Variants in IGFBP7 observed in about 807,000 individuals in gnomAD.
IGFBP7 encodes the protein insulin-like growth factor-binding protein 7.
IGFBP7 carries 31 observed loss-of-function variants against 29.4 expected under a neutral mutation model. That is an observed-to-expected ratio of 1.05 (90% CI 0.79 to 1.42). The LOEUF is 1.42. Ranked by LOEUF, IGFBP7 falls within the 40% of genes most tolerant of loss-of-function variation. IGFBP7 has a pLI of 0.00. For synonymous variants in IGFBP7, 172 were observed against 174.9 expected, an observed-to-expected ratio of 0.98 and a Z score of 0.13; for missense variants, 393 against 395.5, an observed-to-expected ratio of 0.99 and a Z score of 0.05.
intron 1 of IGFBP7, chr4:57,073,164 T>G (rs1200124308): frequency 4.5e-6 from 7 of 1,547,800 alleles, no homozygotes; most frequent in Non-Finnish European, 5.3e-6. Context: ...TTGTGTCGTC[T>G]TTTTAAGTTT....
rs56133217 is a variant in IGFBP7, at chr4:57,108,538, C to CTTCTTTCT, written c.475+1331_475+1338dup. On this transcript the variant is annotated intron_variant, in intron 1 of 4. Transcript: ENST00000295666. ...TATTTGCAAGTCCAGACTTTATTTTCTTCTTTCTTTCTTTTTTTTTTGAGA... is the reference window on the plus strand; with the variant it reads ...TATTTGCAAGTCCAGACTTTATTTTCTTCTTTCTTTCTTTCTTTCTTTTTTTTTTGAGA... 1.1e-4 allele frequency among the ~76,000 whole-genome samples: 16 copies of CTTCTTTCT among 149,802 alleles called. No homozygotes were observed. In the East Asian group the frequency reaches 1.2e-3, roughly 11 times the overall value.
At chr4:57,061,359 T>G (rs1469248496) in intron 1 of IGFBP7, among the ~76,000 whole-genome samples, 2 of 152,196 alleles carry the variant, frequency 1.3e-5, no homozygotes, top group African/African-American at 4.8e-5. Context: ...ATCTGTTTTG[T>G]AAATTAGGCA....
chr4:57,088,198 A>G (rs551490922), intron 1 of IGFBP7, among the ~76,000 whole-genome samples: 2 of 151,040 alleles, frequency 1.3e-5, no homozygotes, highest in South Asian at 4.2e-4. Flanking sequence ...CTGGTCTTGA[A>G]CTCCTAGTCT....
chr4:57,048,789 A>AT (rs1370005380), intron 1 of IGFBP7, among the ~76,000 whole-genome samples: 2 of 152,206 alleles, frequency 1.3e-5, no homozygotes, highest in Non-Finnish European at 2.9e-5. Context: ...TGATGTTACT[A>AT]TTTAAAAAAA....
At chr4:57,085,377 T>A (rs1418636198) in intron 1 of IGFBP7, among the ~76,000 whole-genome samples, 1 of 152,220 alleles carries the variant, frequency 6.6e-6, no homozygotes, top group African/African-American at 2.4e-5. Flanking sequence ...TCTTTTTAAT[T>A]TAATAATTTT....
chr4:57,076,096 G>C (rs1267099317), intron 1 of IGFBP7, among the ~76,000 whole-genome samples: 2 of 152,212 alleles, frequency 1.3e-5, no homozygotes, highest in Non-Finnish European at 2.9e-5. Context: ...GAGCATGGTA[G>C]GGTTCTGGGG....
chr4:57,109,744 A>G, intron 1 of IGFBP7, 133 bp downstream of exon 1: 1 of 1,127,116 alleles, frequency 8.9e-7, no homozygotes, highest in South Asian at 1.8e-5. Flanking sequence ...TTTCCCTCCC[A>G]TCTGGCTCCT....
chr4:57,082,863 C>G (rs1651048365), intron 1 of IGFBP7, among the ~76,000 whole-genome samples: 3 of 152,046 alleles, frequency 2.0e-5, no homozygotes, highest in Admixed American at 6.5e-5. Flanking sequence ...CTAGGCTTAT[C>G]TTGAACTCCT....
At chr4:57,093,433 G>C (rs1725685445) in intron 1 of IGFBP7, among the ~76,000 whole-genome samples, 1 of 151,704 alleles carries the variant, frequency 6.6e-6, no homozygotes, top group Admixed American at 6.6e-5. Flanking sequence ...CTGGGAGGTA[G>C]AGGTTGCAGT....
chr4:57,045,094 C>G (rs1273793326), intron 1 of IGFBP7, among the ~76,000 whole-genome samples: 1 of 152,220 alleles, frequency 6.6e-6, no homozygotes, highest in Non-Finnish European at 1.5e-5. Flanking sequence ...CAAATCATAT[C>G]ATGGGTTCCT....
In IGFBP7 at chr4:57,087,665, G is replaced by A. The variant is rs183898871; in HGVS notation, c.475+22212C>T. ...TTTGAGAGTTGTTACTACAATAGTT[G>A]GTAAAGTCAGAGGGAATACAATCTT... On this transcript the variant is annotated intron_variant, in intron 1 of 4. Coordinates refer to ENST00000295666, the MANE Select transcript of IGFBP7 (RefSeq NM_001553.3). 1.4e-3 allele frequency among the ~76,000 whole-genome samples: 218 copies of A among 152,242 alleles called. 1 individual carries two copies. Among genetic ancestry groups the A allele is most frequent in the African/African-American group, 5.0e-3 (208 of 41,540 alleles).
intron 1 of IGFBP7, among the ~76,000 whole-genome samples, chr4:57,076,126 T>C (rs973063216): frequency 2.0e-5 from 3 of 152,192 alleles, no homozygotes; most frequent in African/African-American, 7.2e-5. Context: ...TCTTGGCTTG[T>C]AGATGGCTGC....
intron 1 of IGFBP7, among the ~76,000 whole-genome samples, chr4:57,109,447 G>A (rs572336506): frequency 1.3e-5 from 2 of 151,856 alleles, no homozygotes; most frequent in Admixed American, 6.6e-5. Flanking sequence ...AAAAAAGTCT[G>A]TCTGGAAGTC....
chr4:57,076,435 C>CT (rs1176107327), intron 1 of IGFBP7, among the ~76,000 whole-genome samples: 2 of 152,192 alleles, frequency 1.3e-5, no homozygotes, highest in Admixed American at 1.3e-4. Context: ...TTGGCTCTTG[C>CT]TTGTCACTCC....
chr4:57,080,566 C>T (rs1000671486), intron 1 of IGFBP7, among the ~76,000 whole-genome samples: 1 of 152,152 alleles, frequency 6.6e-6, no homozygotes, highest in Non-Finnish European at 1.5e-5. Flanking sequence ...TCTCACTTTT[C>T]ACCCAGGGTG....
At chr4:57,082,012 G>A (rs1725382717) in intron 1 of IGFBP7, among the ~76,000 whole-genome samples, 1 of 152,152 alleles carries the variant, frequency 6.6e-6, no homozygotes, top group African/African-American at 2.4e-5. Context: ...CCGACTCGGG[G>A]ATGCTGGTGT....
chr4:57,051,482 A>C (rs934512418), intron 1 of IGFBP7, among the ~76,000 whole-genome samples: 5 of 152,260 alleles, frequency 3.3e-5, no homozygotes, highest in African/African-American at 1.2e-4. Flanking sequence ...TTTCCACTTT[A>C]GTGTGAATGA....
intron 1 of IGFBP7, among the ~76,000 whole-genome samples, chr4:57,045,778 T>C (rs947242967): frequency 2.7e-5 from 4 of 150,428 alleles, no homozygotes; most frequent in Admixed American, 6.7e-5. Context: ...TTGCCCAGGG[T>C]GCAATGGTGT....
At chr4:57,045,427 TA>T (rs1320705053) in intron 1 of IGFBP7, among the ~76,000 whole-genome samples, 2 of 152,230 alleles carry the variant, frequency 1.3e-5, no homozygotes, top group African/African-American at 4.8e-5. Context: ...TGGAAAGTGC[TA>T]AGAAATAAGG....
Sources: gnomAD v4.1 joint callset for allele counts (sites outside exome capture counted in the v4.1 genomes callset) on GRCh38, gnomAD v4.1.1 for gene constraint, MANE v1.5 for transcripts, NCBI Gene and HGNC (gene_info 2026-07-23, HGNC 2026-07-21) for gene names.